AKAP10: variants seen among roughly 807,000 people sequenced by gnomAD.
AKAP10 encodes A-kinase anchor protein 10, mitochondrial.
A neutral mutation model predicts 80.8 loss-of-function variants in AKAP10; 24 were observed. That is an observed-to-expected ratio of 0.30 (90% CI 0.22 to 0.42). The LOEUF (loss-of-function observed/expected upper bound fraction) is 0.42, where lower values mean the gene tolerates loss of function less well. AKAP10 is among the 10% of genes least tolerant of loss of function. AKAP10 has a pLI of 1.00. For synonymous variants in AKAP10, 291 were observed against 277.7 expected (o/e 1.05, Z -0.48); for missense variants, 661 against 794.9 (o/e 0.83, Z 2.03).
intron 9 of AKAP10, among the ~76,000 whole-genome samples, chr17:19,933,400 G>C (rs1308021171): frequency 2.6e-5 from 4 of 152,126 alleles, no homozygotes; most frequent in African/African-American, 9.7e-5. Context: ...CTACCATCTA[G>C]CACAGAAATA....
rs1265006332 is a variant in AKAP10 at position 19,962,827 on chromosome 17, G to C, written c.319+13C>G. The C allele has an allele frequency of 4.6e-5, 74 of 1,607,036 alleles. No homozygotes were observed. The highest frequency in any genetic ancestry group is 6.0e-5 in the Non-Finnish European group (71 of 1,175,824). On this transcript the variant is annotated intron_variant, in intron 3 of 14. Transcript: ENST00000225737. Reference sequence around the variant, plus strand: ...CTTCTAATACAAGTTAATAAAAAATGATAGTTACTTACCCAGGTCACCAAA... The same window carrying C: ...CTTCTAATACAAGTTAATAAAAAATCATAGTTACTTACCCAGGTCACCAAA...
chr17:19,931,710 A>G, intron 10 of AKAP10, 95 bp downstream of exon 10: 1 of 1,407,630 alleles, frequency 7.1e-7, no homozygotes, highest in Non-Finnish European at 9.5e-7. Context: ...TTTTTCCACA[A>G]CTTAAAATTT....
At chr17:19,968,084 C>G in intron 2 of AKAP10, 1 of 195,052 alleles carries the variant, frequency 5.1e-6, no homozygotes, top group Non-Finnish European at 1.0e-5. Context: ...ACCTGTAGTC[C>G]CAGCTGCTGG....
chr17:19,928,260 T>G (rs1373174256), intron 10 of AKAP10, among the ~76,000 whole-genome samples: 1 of 151,694 alleles, frequency 6.6e-6, no homozygotes, highest in Non-Finnish European at 1.5e-5. Context: ...AAAATAAAAA[T>G]GGCCAAAGGA....
intron 8 of AKAP10, among the ~76,000 whole-genome samples, chr17:19,938,993 A>G (rs1349922902): frequency 6.6e-6 from 1 of 152,056 alleles, no homozygotes; most frequent in Non-Finnish European, 1.5e-5. Context: ...CTGCCTCTCA[A>G]AGTGTTGTGA....
At chr17:19,913,537 T>C (rs1234915407) in intron 12 of AKAP10, among the ~76,000 whole-genome samples, 3 of 152,240 alleles carry the variant, frequency 2.0e-5, no homozygotes, top group Admixed American at 6.5e-5. Context: ...TCCGCTCGCC[T>C]TGGCCTCCCA....
intron 9 of AKAP10, among the ~76,000 whole-genome samples, chr17:19,932,711 A>AAT (rs756924131): frequency 6.6e-6 from 1 of 152,074 alleles, no homozygotes; most frequent in African/African-American, 2.4e-5. Context: ...TTTTAACTTT[A>AAT]ATATATATGG....
chr17:19,946,237 T>TAATATATATATATATA (rs1491288818), intron 5 of AKAP10, among the ~76,000 whole-genome samples: 1 of 15,184 alleles, frequency 6.6e-5, no homozygotes, highest in East Asian at 2.9e-3. Flanking sequence ...TATATATATA[T>TAATATATATATATATA]TATATATATA....
At chr17:19,907,283 T>G (rs1340865494) in intron 14 of AKAP10, among the ~76,000 whole-genome samples, 1 of 152,170 alleles carries the variant, frequency 6.6e-6, no homozygotes, top group Admixed American at 6.5e-5. Context: ...CCCCACAAAG[T>G]GCTGGGATTA....
At chr17:19,938,733 G>GT (rs150912015) in intron 8 of AKAP10, among the ~76,000 whole-genome samples, 3,807 of 140,716 alleles carry the variant, frequency 0.027, 56 homozygotes, top group African/African-American at 0.049. Context: ...TACCTTTGTT[G>GT]TTTTTTTTTT....
chr17:19,936,559 T>G (rs2042994852), intron 8 of AKAP10, 129 bp from the exon 9 acceptor site: 1 of 889,598 alleles, frequency 1.1e-6, no homozygotes, highest in African/African-American at 1.7e-5. Context: ...TATAGAGCTA[T>G]GTGATGACAG....
intron 4 of AKAP10, among the ~76,000 whole-genome samples, chr17:19,957,335 A>G (rs1001054284): frequency 6.6e-6 from 1 of 151,878 alleles, no homozygotes; most frequent in Non-Finnish European, 1.5e-5. Flanking sequence ...AAGTCAGGAG[A>G]TCGAGACCAT....
chr17:19,943,503 TC>T (rs1361071535), intron 5 of AKAP10, among the ~76,000 whole-genome samples: 1 of 152,210 alleles, frequency 6.6e-6, no homozygotes, highest in Non-Finnish European at 1.5e-5. Context: ...CTGTAGAGGT[TC>T]TTGGAGGGTG....
chr17:19,923,278 A>G (rs1255410117), intron 11 of AKAP10, among the ~76,000 whole-genome samples: 1 of 151,554 alleles, frequency 6.6e-6, no homozygotes, highest in Admixed American at 6.6e-5. Flanking sequence ...GGGTTTCACC[A>G]TGTTGCCCAG....
At chr17:19,958,636 C>A in intron 3 of AKAP10, 65 bp from the exon 4 acceptor site, 1 of 1,421,310 alleles carries the variant, frequency 7.0e-7, no homozygotes, top group Non-Finnish European at 9.4e-7. Flanking sequence ...ACAGATTAGT[C>A]AATCACTTTT....
rs980887845 is a variant in AKAP10, at chr17:19,936,410, G to A, written c.1343C>T (p.Thr448Ile). ...AACATCATCAAATCCAAGAGGATGT[G>A]TGGCTTGGAGGGAGAAGTACCTATG... ...LYDKYFSLQA[T>I]HPLGFDDVVR... The change falls in exon 9 of 15, where the codon ACA (threonine) becomes ATA (isoleucine). Residue 448 changes from threonine (T) to isoleucine (I), a missense_variant. Coordinates refer to ENST00000225737, the MANE Select transcript of AKAP10 (RefSeq NM_007202.4). The A allele has an allele frequency of 6.2e-7, 1 of 1,611,192 alleles. No homozygotes were observed. The highest frequency in any genetic ancestry group is 8.5e-7 in the Non-Finnish European group (1 of 1,177,888).
At chr17:19,945,423 C>A (rs2043093334) in intron 5 of AKAP10, among the ~76,000 whole-genome samples, 1 of 152,112 alleles carries the variant, frequency 6.6e-6, no homozygotes, top group Non-Finnish European at 1.5e-5. Flanking sequence ...AAAAGCTGGT[C>A]TAGGGATGAT....
chr17:19,937,754 T>C (rs1451420536), intron 8 of AKAP10, among the ~76,000 whole-genome samples: 1 of 152,220 alleles, frequency 6.6e-6, no homozygotes, highest in Non-Finnish European at 1.5e-5. Flanking sequence ...CATTAAGAAC[T>C]GCATTCCAGT....
chr17:19,912,787 A>G (rs1296639031), intron 12 of AKAP10, among the ~76,000 whole-genome samples: 1 of 152,160 alleles, frequency 6.6e-6, no homozygotes, highest in African/African-American at 2.4e-5. Flanking sequence ...GCTATAGGCT[A>G]GTAAATGATG....
Sources: gnomAD v4.1 joint callset for allele counts (sites outside exome capture counted in the v4.1 genomes callset) on GRCh38, gnomAD v4.1.1 for gene constraint, MANE v1.5 for transcripts, NCBI Gene and HGNC (gene_info 2026-07-23, HGNC 2026-07-21) for gene names.